NUDCD1: variants seen among roughly 807,000 people sequenced by gnomAD.
NUDCD1 encodes NudC domain containing 1.
In NUDCD1, 60 loss-of-function variants were observed where a neutral mutation model predicts 67.8. The observed-to-expected ratio is 0.88, with a 90% confidence interval of 0.72 to 1.10. The LOEUF (loss-of-function observed/expected upper bound fraction) is 1.10, where lower values mean the gene tolerates loss of function less well. Ranked by LOEUF, NUDCD1 falls within the 50% of genes least tolerant of loss-of-function variation. The pLI is 0.00. For synonymous variants in NUDCD1, 244 were observed against 230.8 expected (o/e 1.06, Z -0.52); for missense variants, 643 against 695.0 (o/e 0.93, Z 0.84).
At chr8:109,304,830 G>C (rs554635386) in intron 2 of NUDCD1, among the ~76,000 whole-genome samples, 1 of 152,194 alleles carries the variant, frequency 6.6e-6, no homozygotes, top group South Asian at 2.1e-4. Flanking sequence ...CTGTCCCTCA[G>C]GGCCAGTTTT....
intron 1 of NUDCD1, chr8:109,329,835 T>C (rs1357849895): frequency 1.4e-5 from 22 of 1,550,860 alleles, no homozygotes; most frequent in South Asian, 1.2e-4. Flanking sequence ...AGATAAAGCA[T>C]TGAAAACGAT....
chr8:109,271,268 C>A, intron 7 of NUDCD1, 138 bp from the exon 8 acceptor site: 2 of 540,328 alleles, frequency 3.7e-6, no homozygotes, highest in Non-Finnish European at 6.4e-6. Context: ...ATCATAATCA[C>A]AAAAACAGAA....
At chr8:109,284,619 G>C (rs1416416132) in intron 5 of NUDCD1, among the ~76,000 whole-genome samples, 2 of 151,746 alleles carry the variant, frequency 1.3e-5, no homozygotes, top group East Asian at 1.9e-4. Flanking sequence ...TCAATACCAA[G>C]AAGATCTCTC....
In NUDCD1 at chr8:109,282,839, A is replaced by T. The variant is rs1814486700; in HGVS notation, c.824-1667T>A. ...CAGAACTTAAAAGTACAATAAAAAA[A>T]TTCCAAAAAAAAAAAGAAACCAGTG... On this transcript the variant is annotated intron_variant, in intron 5 of 9. Coordinates refer to ENST00000239690, the MANE Select transcript of NUDCD1 (RefSeq NM_032869.4). Among the ~76,000 whole-genome samples, 5 of 145,172 alleles carry T rather than the reference A, an allele frequency of 3.4e-5. No individual in the cohort carries two copies. The South Asian group carries it at 1.1e-3, about 31-fold the overall frequency.
intron 8 of NUDCD1, among the ~76,000 whole-genome samples, chr8:109,262,718 A>G (rs1021775173): frequency 2.0e-5 from 3 of 152,144 alleles, no homozygotes; most frequent in African/African-American, 7.2e-5. Context: ...ATTCATTTGC[A>G]TAAACGGATC....
At chr8:109,299,475 T>C (rs1372183376) in intron 2 of NUDCD1, among the ~76,000 whole-genome samples, 3 of 152,130 alleles carry the variant, frequency 2.0e-5, no homozygotes, top group Non-Finnish European at 4.4e-5. Flanking sequence ...CTGTAACTGC[T>C]GGTTCTCCCC....
At chr8:109,261,343 C>T (rs886158485) in intron 8 of NUDCD1, among the ~76,000 whole-genome samples, 12 of 152,060 alleles carry the variant, frequency 7.9e-5, no homozygotes, top group Non-Finnish European at 1.5e-5. Context: ...GAAAAATCCA[C>T]ACTAGAATGA....
At chr8:109,322,266 T>C (rs968063471) in intron 2 of NUDCD1, 43 bp downstream of exon 2, 15 of 1,100,176 alleles carry the variant, frequency 1.4e-5, no homozygotes, top group Non-Finnish European at 1.9e-5. Context: ...ATTTGCTTGA[T>C]ATTACATACA....
intron 7 of NUDCD1, among the ~76,000 whole-genome samples, chr8:109,273,045 G>A (rs1026730178): frequency 2.6e-5 from 4 of 152,164 alleles, no homozygotes; most frequent in Admixed American, 2.6e-4. Flanking sequence ...GTGCTTCACA[G>A]GACAAGATTA....
chr8:109,243,218 G>A lies in NUDCD1; in HGVS notation c.1543C>T (p.Arg515Cys), dbSNP rs780995373. 7.4e-6 allele frequency: 12 copies of A among 1,613,424 alleles called. No individual in the cohort carries two copies. The highest frequency in any genetic ancestry group is 3.3e-5 in the South Asian group (3 of 91,014). Residue 515 changes from arginine (R) to cysteine (C), a missense_variant, in exon 10 of 10, where the codon CGT becomes TGT. Physicochemically the swap from Arg to Cys is radical, Grantham distance 180. Coordinates refer to ENST00000239690, the MANE Select transcript of NUDCD1 (RefSeq NM_032869.4). ...GGCTGACGATAGATGAATACTCGACGAAGGCACTCACAAAGGGCTGCATAC... is the reference window on the plus strand; with the variant it reads ...GGCTGACGATAGATGAATACTCGACAAAGGCACTCACAAAGGGCTGCATAC... ...YSYAALCECL[R>C]RVFIYRQPAP...
At chr8:109,258,256 A>G (rs955907855) in intron 8 of NUDCD1, among the ~76,000 whole-genome samples, 1 of 152,148 alleles carries the variant, frequency 6.6e-6, no homozygotes, top group African/African-American at 2.4e-5. Flanking sequence ...TAACAGACCC[A>G]GTGCCATTTG....
At chr8:109,257,397 G>T (rs1343301430) in intron 8 of NUDCD1, among the ~76,000 whole-genome samples, 1 of 152,002 alleles carries the variant, frequency 6.6e-6, no homozygotes, top group African/African-American at 2.4e-5. Flanking sequence ...AAAATATCGG[G>T]ATTAAATATA....
At chr8:109,270,858 A>G (rs1814136433) in intron 8 of NUDCD1, 147 bp downstream of exon 8, 1 of 515,718 alleles carries the variant, frequency 1.9e-6, no homozygotes, top group East Asian at 3.1e-5. Flanking sequence ...TGAGTGTGGT[A>G]GTATGAAAAG....
chr8:109,306,953 C>A (rs571507706), intron 2 of NUDCD1, among the ~76,000 whole-genome samples: 9 of 152,076 alleles, frequency 5.9e-5, no homozygotes, highest in Admixed American at 3.9e-4. Context: ...TCTCTCCATA[C>A]CACCCCCCAA....
At chr8:109,329,940 C>A in intron 1 of NUDCD1, 1 of 1,497,924 alleles carries the variant, frequency 6.7e-7, no homozygotes, top group African/African-American at 1.4e-5. Context: ...GTACTGGTTA[C>A]TATGGCAACG....
At chr8:109,252,802 G>A (rs7841543) in intron 8 of NUDCD1, among the ~76,000 whole-genome samples, 3,699 of 152,222 alleles carry the variant, frequency 0.024, 140 homozygotes, top group African/African-American at 0.084. Context: ...TCAGCTTTCT[G>A]ATGAGTCTTT....
At chr8:109,299,228 T>C (rs1814918353) in intron 2 of NUDCD1, among the ~76,000 whole-genome samples, 1 of 152,138 alleles carries the variant, frequency 6.6e-6, no homozygotes, top group African/African-American at 2.4e-5. Flanking sequence ...TGTAACACTT[T>C]GAACTGATGG....
Position 109,243,103 on chromosome 8 carries a change from T to C in NUDCD1, c.1658A>G (p.Asn553Ser), listed in dbSNP as rs146829520. 88 of 1,613,620 alleles carry C rather than the reference T, an allele frequency of 5.5e-5. No individual in the cohort carries two copies. The highest frequency in any genetic ancestry group is 5.6e-5 in the Non-Finnish European group (66 of 1,179,674). The change falls in exon 10 of 10, where the codon AAT becomes AGT. Residue 553 changes from asparagine (N) to serine (S), a missense_variant. Coordinates refer to ENST00000239690, the MANE Select transcript of NUDCD1 (RefSeq NM_032869.4). ...AKQQVASLETNDPILGFQATN... is the reference protein window; with the variant it reads ...AKQQVASLETSDPILGFQATN... ...TGCCTGAAATCCTAAAATAGGATCATTGGTTTCTAGGCTTGCTACTTGCTG... is the reference window on the plus strand; with the variant it reads ...TGCCTGAAATCCTAAAATAGGATCACTGGTTTCTAGGCTTGCTACTTGCTG...
At chr8:109,249,048 C>T (rs533211261) in intron 8 of NUDCD1, among the ~76,000 whole-genome samples, 1 of 152,278 alleles carries the variant, frequency 6.6e-6, no homozygotes, top group African/African-American at 2.4e-5. Context: ...TTTGTCTCTT[C>T]ATTTCACTTA....
Sources: allele counts gnomAD v4.1 joint callset (sites outside exome capture counted in the v4.1 genomes callset), GRCh38; gene constraint gnomAD v4.1.1; transcripts MANE v1.5; gene names NCBI Gene and HGNC (gene_info 2026-07-23, HGNC 2026-07-21).